Variants in IL33 observed in about 807,000 individuals in gnomAD.
IL33 encodes interleukin-33.
Under a neutral mutation model 27.3 loss-of-function variants are expected in IL33, and 37 were observed. The ratio of observed to expected loss-of-function variants is 1.36; its 90% confidence interval spans 1.04 to 1.78. The LOEUF is 1.78. Ranked by LOEUF, IL33 falls within the 40% of genes most tolerant of loss-of-function variation. The pLI is 0.00. For synonymous variants in IL33, 132 were observed against 102.9 expected (o/e 1.28, Z -1.71); for missense variants, 406 against 311.4 (o/e 1.30, Z -2.29).
At chr9:6,246,750 T>C (rs200212918) in intron 2 of IL33, among the ~76,000 whole-genome samples, 74 of 152,296 alleles carry the variant, frequency 4.9e-4, no homozygotes, top group Non-Finnish European at 7.9e-4. Flanking sequence ...ACTCTCACCA[T>C]GTGTGATGTC....
At chr9:6,251,066 A>C (rs900994842) in intron 3 of IL33, 74 bp from the exon 4 acceptor site, 5 of 1,561,600 alleles carry the variant, frequency 3.2e-6, no homozygotes, top group Non-Finnish European at 3.5e-6. Context: ...AGCAGCCTTA[A>C]CTGGGAATCC....
chr9:6,243,120 T>C (rs539686635), intron 2 of IL33, among the ~76,000 whole-genome samples: 2 of 152,164 alleles, frequency 1.3e-5, no homozygotes, highest in South Asian at 2.1e-4. Flanking sequence ...CCTCCAACAA[T>C]GGGGATCAAA....
At chr9:6,236,882 A>G (rs1375693380) in intron 1 of IL33, among the ~76,000 whole-genome samples, 1 of 152,194 alleles carries the variant, frequency 6.6e-6, no homozygotes, top group East Asian at 1.9e-4. Flanking sequence ...AAAAATAAAT[A>G]AATAAATAAA....
rs566510021 is a variant in IL33 at position 6,230,193 on chromosome 9, C to T, written c.-11-11491C>T. On this transcript the variant is annotated intron_variant, in intron 1 of 7. Coordinates refer to ENST00000682010, the MANE Select transcript of IL33 (RefSeq NM_033439.4). ...AGAAGTACTTTACAAGTGATAAGTACTGTTTACCTTAAAGACATAAAACAA... is the reference window on the plus strand; with the variant it reads ...AGAAGTACTTTACAAGTGATAAGTATTGTTTACCTTAAAGACATAAAACAA... Among the ~76,000 whole-genome samples the T allele has an allele frequency of 5.3e-5, 8 of 152,052 alleles. No individual in the cohort carries two copies. In the East Asian group the frequency reaches 1.2e-3, roughly 22 times the overall value.
intron 4 of IL33, among the ~76,000 whole-genome samples, chr9:6,252,078 C>T (rs370112867): frequency 1.3e-5 from 1 of 78,686 alleles, no homozygotes; most frequent in South Asian, 4.6e-4. Flanking sequence ...CAACAAAAAA[C>T]AAAACAAAAC....
chr9:6,225,093 C>T (rs1453288352), intron 1 of IL33, among the ~76,000 whole-genome samples: 1 of 152,138 alleles, frequency 6.6e-6, no homozygotes, highest in Non-Finnish European at 1.5e-5. Flanking sequence ...GATTTAATCA[C>T]ATTTTCTAAA....
intron 1 of IL33, among the ~76,000 whole-genome samples, chr9:6,221,174 T>C (rs1470055790): frequency 6.6e-6 from 1 of 152,150 alleles, no homozygotes; most frequent in Admixed American, 6.6e-5. Context: ...AGCTTCCTGT[T>C]TTTTCCCCCA....
At chr9:6,247,235 T>C (rs901671622) in intron 2 of IL33, among the ~76,000 whole-genome samples, 10 of 152,122 alleles carry the variant, frequency 6.6e-5, no homozygotes, top group Non-Finnish European at 1.3e-4. Context: ...AGTAGAGGGA[T>C]AACTAACAAA....
intron 1 of IL33, among the ~76,000 whole-genome samples, chr9:6,216,331 T>C (rs1818142041): frequency 6.6e-6 from 1 of 152,196 alleles, no homozygotes; most frequent in African/African-American, 2.4e-5. Flanking sequence ...GGGTCTTTGC[T>C]TTGTTGCCAG....
chr9:6,235,871 T>C (rs564130989), intron 1 of IL33, among the ~76,000 whole-genome samples: 98 of 152,328 alleles, frequency 6.4e-4, no homozygotes, highest in Admixed American at 1.1e-3. Context: ...ATACAAGTTT[T>C]TGGAAGTCAA....
chr9:6,232,239 A>G (rs1174383918), intron 1 of IL33, among the ~76,000 whole-genome samples: 1 of 152,192 alleles, frequency 6.6e-6, no homozygotes, highest in Non-Finnish European at 1.5e-5. Flanking sequence ...AGTCCTTGGC[A>G]TGCAAAGGGT....
intron 1 of IL33, among the ~76,000 whole-genome samples, chr9:6,229,873 C>T (rs1453676317): frequency 3.3e-5 from 5 of 151,988 alleles, no homozygotes; most frequent in South Asian, 2.1e-4. Context: ...ACAATAAAGT[C>T]GGCTTGATTG....
rs1228939959 is a variant in IL33, at chr9:6,254,481, G to T, written c.540G>T (p.Lys180Asn). Reference sequence around the variant, plus strand: ...TGTAAGGTGACGGTGTTGATGGTAAGATGTTAATGGTAACCCTGAGTCCTA... The same window carrying T: ...TGTAAGGTGACGGTGTTGATGGTAATATGTTAATGGTAACCCTGAGTCCTA... ...SNESGDGVDG[K>N]MLMVTLSPTK... The change falls in exon 7 of 8, where the codon AAG becomes AAT. Residue 180 changes from lysine to asparagine, a missense_variant. Coordinates refer to ENST00000682010, the MANE Select transcript of IL33 (RefSeq NM_033439.4). 1.9e-6 allele frequency: 3 copies of T among 1,590,912 alleles called. No individual in the cohort carries two copies. The highest frequency in any genetic ancestry group is 2.6e-6 in the Non-Finnish European group (3 of 1,165,524).
chr9:6,218,249 T>C (rs961029816), intron 1 of IL33, among the ~76,000 whole-genome samples: 1 of 152,202 alleles, frequency 6.6e-6, no homozygotes, highest in Non-Finnish European at 1.5e-5. Flanking sequence ...ATAATTGATT[T>C]CTTAAGTAAC....
intron 2 of IL33, among the ~76,000 whole-genome samples, chr9:6,243,932 G>A (rs1819680611): frequency 6.6e-6 from 1 of 152,214 alleles, no homozygotes; most frequent in African/African-American, 2.4e-5. Context: ...TAATTTGACT[G>A]TGGTTTCTGA....
At chr9:6,239,037 A>G (rs1405952577) in intron 1 of IL33, among the ~76,000 whole-genome samples, 1 of 152,154 alleles carries the variant, frequency 6.6e-6, no homozygotes, top group Non-Finnish European at 1.5e-5. Flanking sequence ...GATTTGTCTG[A>G]TTCTGAGAGA....
At chr9:6,239,478 G>A (rs1035618893) in intron 1 of IL33, among the ~76,000 whole-genome samples, 1 of 152,110 alleles carries the variant, frequency 6.6e-6, no homozygotes, top group Admixed American at 6.5e-5. Flanking sequence ...CATGCCTTCT[G>A]CAAATGACAC....
At chr9:6,234,032 A>G (rs1008616516) in intron 1 of IL33, among the ~76,000 whole-genome samples, 1 of 152,176 alleles carries the variant, frequency 6.6e-6, no homozygotes, top group Non-Finnish European at 1.5e-5. Context: ...GTTCTCTCTT[A>G]GCCTTCATAA....
At chr9:6,241,611 G>C (rs1310041731) in intron 1 of IL33, 73 bp from the exon 2 acceptor site, 2 of 817,786 alleles carry the variant, frequency 2.4e-6, no homozygotes, top group Non-Finnish European at 2.0e-6. Flanking sequence ...ATTTGGTAGT[G>C]AGCTAGCCAC....
Sources: allele counts gnomAD v4.1 joint callset (sites outside exome capture counted in the v4.1 genomes callset), GRCh38; gene constraint gnomAD v4.1.1; transcripts MANE v1.5; gene names NCBI Gene and HGNC (gene_info 2026-07-23, HGNC 2026-07-21).